Variants in AGBL4 observed in about 807,000 individuals in gnomAD.
The protein encoded by AGBL4 is cytosolic carboxypeptidase 6.
Under a neutral mutation model 66.4 loss-of-function variants are expected in AGBL4, and 58 were observed. That is an observed-to-expected ratio of 0.87 (90% confidence interval 0.71 to 1.09). AGBL4 has a LOEUF of 1.09. AGBL4 is among the 50% of genes least tolerant of loss of function. AGBL4 has a pLI of 0.00. For missense variants in AGBL4, 579 were observed against 631.0 expected (o/e 0.92, Z 0.88); for synonymous variants, 234 against 222.9 (o/e 1.05, Z -0.44).
intron 3 of AGBL4, among the ~76,000 whole-genome samples, chr1:49,272,275 A>G (rs1644077151): frequency 1.3e-5 from 2 of 152,172 alleles, no homozygotes; most frequent in Admixed American, 1.3e-4. Context: ...TCTGCCTCCT[A>G]GCTGTGTCTA....
chr1:49,443,616 G>C (rs1646086078), intron 3 of AGBL4, among the ~76,000 whole-genome samples: 1 of 151,650 alleles, frequency 6.6e-6, no homozygotes, highest in Non-Finnish European at 1.5e-5. Context: ...CTGTTCCATT[G>C]ATCTATGTGC....
chr1:49,709,783 GAT>G (rs1647499691), intron 2 of AGBL4, among the ~76,000 whole-genome samples: 1 of 152,026 alleles, frequency 6.6e-6, no homozygotes, highest in Admixed American at 6.6e-5. Flanking sequence ...GTGGCCGAAG[GAT>G]ATGAACAGAT....
At chr1:49,220,579 T>C (rs560983459) in intron 4 of AGBL4, among the ~76,000 whole-genome samples, 1 of 152,160 alleles carries the variant, frequency 6.6e-6, no homozygotes, top group African/African-American at 2.4e-5. Context: ...TTCCACCTAT[T>C]GCCCACCACA....
At chr1:50,006,931 A>G (rs1661172259) in intron 1 of AGBL4, among the ~76,000 whole-genome samples, 1 of 152,218 alleles carries the variant, frequency 6.6e-6, no homozygotes, top group Non-Finnish European at 1.5e-5. Context: ...AGAATATTTT[A>G]ACACTGTAAT....
intron 2 of AGBL4, among the ~76,000 whole-genome samples, chr1:49,827,116 G>A (rs1405847010): frequency 2.0e-5 from 3 of 152,156 alleles, no homozygotes; most frequent in Non-Finnish European, 1.5e-5. Flanking sequence ...TCTCAATGGG[G>A]GTGCTTTCAT....
At chr1:49,711,439 G>C (rs1189921093) in intron 2 of AGBL4, among the ~76,000 whole-genome samples, 1 of 151,942 alleles carries the variant, frequency 6.6e-6, no homozygotes, top group Non-Finnish European at 1.5e-5. Context: ...ATACAACATG[G>C]ATCAATCTCA....
At chr1:49,947,980 A>ATG (rs1655430557) in intron 1 of AGBL4, among the ~76,000 whole-genome samples, 1 of 98,364 alleles carries the variant, frequency 1.0e-5, no homozygotes, top group East Asian at 2.5e-4. Flanking sequence ...ATATTTATAA[A>ATG]TATATATTTA....
chr1:49,408,802 C>T (rs1445844538), intron 3 of AGBL4, among the ~76,000 whole-genome samples: 2 of 152,094 alleles, frequency 1.3e-5, no homozygotes, highest in Non-Finnish European at 2.9e-5. Context: ...TTTTGGGACA[C>T]AGATTGGCTT....
At chr1:48,673,992 G>C (rs777868513) in intron 6 of AGBL4, among the ~76,000 whole-genome samples, 12 of 152,132 alleles carry the variant, frequency 7.9e-5, no homozygotes, top group Non-Finnish European at 1.5e-4. Flanking sequence ...CGTACTCCCA[G>C]TCCTGCAGCG....
intron 3 of AGBL4, among the ~76,000 whole-genome samples, chr1:49,345,308 A>G (rs1645615088): frequency 6.6e-6 from 1 of 152,188 alleles, no homozygotes; most frequent in East Asian, 1.9e-4. Context: ...CAGAGATAAT[A>G]AAATTTCCTT....
chr1:49,323,330 G>A (rs1333308148), intron 3 of AGBL4, among the ~76,000 whole-genome samples: 3 of 152,000 alleles, frequency 2.0e-5, no homozygotes, highest in Non-Finnish European at 4.4e-5. Flanking sequence ...CCGCCAGGCT[G>A]GAGTGCAGTG....
At chr1:49,198,575 G>C (rs1647419661) in intron 4 of AGBL4, among the ~76,000 whole-genome samples, 1 of 151,970 alleles carries the variant, frequency 6.6e-6, no homozygotes, top group Non-Finnish European at 1.5e-5. Context: ...CCTGAACTCA[G>C]GTGATCCATC....
intron 1 of AGBL4, among the ~76,000 whole-genome samples, chr1:49,905,683 G>A (rs1350663229): frequency 6.6e-6 from 1 of 152,120 alleles, no homozygotes; most frequent in African/African-American, 2.4e-5. Context: ...GTTAAAGGAT[G>A]TATCCCCAAT....
downstream of AGBL4, among the ~76,000 whole-genome samples, chr1:48,530,186 C>T (rs1643898000): frequency 6.6e-6 from 1 of 152,116 alleles, no homozygotes; most frequent in Admixed American, 6.5e-5. Flanking sequence ...TCACTAGCCA[C>T]ATGGGTGTAA....
chr1:48,701,607 G>A (rs1300565291), intron 6 of AGBL4, among the ~76,000 whole-genome samples: 1 of 152,078 alleles, frequency 6.6e-6, no homozygotes, highest in Non-Finnish European at 1.5e-5. Flanking sequence ...ATCCAACCCA[G>A]GTTGTTTTTA....
chr1:49,776,718 G>A (rs1485537315), intron 2 of AGBL4, among the ~76,000 whole-genome samples: 3 of 151,984 alleles, frequency 2.0e-5, no homozygotes, highest in Non-Finnish European at 4.4e-5. Flanking sequence ...AATATATCCT[G>A]TTAGTGCTGA....
intron 4 of AGBL4, among the ~76,000 whole-genome samples, chr1:49,110,736 A>G (rs1484110049): frequency 6.6e-6 from 1 of 152,070 alleles, no homozygotes; most frequent in African/African-American, 2.4e-5. Context: ...TCAACACTCC[A>G]TCCACCATCA....
intron 5 of AGBL4, among the ~76,000 whole-genome samples, chr1:48,879,983 A>G (rs898963715): frequency 3.3e-5 from 5 of 152,180 alleles, no homozygotes; most frequent in Non-Finnish European, 7.4e-5. Flanking sequence ...AAATGTTCAT[A>G]GGTTATTGGG....
At chr1:49,956,901 A>G (rs1656654246) in intron 1 of AGBL4, among the ~76,000 whole-genome samples, 1 of 152,034 alleles carries the variant, frequency 6.6e-6, no homozygotes, top group African/African-American at 2.4e-5. Flanking sequence ...TAGGAGAAAC[A>G]GTAGATTAAC....
Sources: allele counts gnomAD v4.1 joint callset (sites outside exome capture counted in the v4.1 genomes callset), GRCh38; gene constraint gnomAD v4.1.1; transcripts MANE v1.5; gene names NCBI Gene and HGNC (gene_info 2026-07-23, HGNC 2026-07-21).